Variants in SLC26A7 observed in about 807,000 individuals in gnomAD.
The protein encoded by SLC26A7 is anion exchange transporter.
In SLC26A7, 59 loss-of-function variants were observed where a neutral mutation model predicts 82.5. The observed-to-expected ratio is 0.72, with a 90% confidence interval of 0.58 to 0.89. The LOEUF is 0.89. SLC26A7 is among the 40% of genes least tolerant of loss of function. The pLI, the probability that SLC26A7 is intolerant of heterozygous loss-of-function variation, is 0.00. For synonymous variants in SLC26A7, 271 were observed against 274.3 expected (o/e 0.99, Z 0.12); for missense variants, 820 against 793.0 (o/e 1.03, Z -0.41).
At position 91,289,134 on chromosome 8, in the gene SLC26A7, A is replaced by G; in HGVS notation, c.194-2A>G. On this transcript the variant is annotated splice_acceptor_variant, in intron 2 of 18. Coordinates refer to ENST00000276609, the MANE Select transcript of SLC26A7 (RefSeq NM_052832.4). LOFTEE classifies it high-confidence loss of function. The stretch of plus-strand genomic sequence containing the variant: ...TTTTAATTACCCTAGTCTTCTTCAC[A>G]GGATTGGCCTTTGCTGTTCTCTCAT... 6.2e-7 allele frequency: 1 copy of G among 1,609,380 alleles called. No individual in the cohort carries two copies. Among genetic ancestry groups the G allele is most frequent in the Non-Finnish European group, 8.5e-7 (1 of 1,175,872 alleles).
At chr8:91,362,688 G>T (rs996702476) in intron 12 of SLC26A7, among the ~76,000 whole-genome samples, 10 of 152,024 alleles carry the variant, frequency 6.6e-5, no homozygotes, top group African/African-American at 1.9e-4. Context: ...TTATCAACGT[G>T]ATAAAATAGA....
At chr8:91,329,234 A>ATGTGTG (rs3086211) in intron 5 of SLC26A7, among the ~76,000 whole-genome samples, 26,781 of 151,906 alleles carry the variant, frequency 0.18, 2,739 homozygotes, top group African/African-American at 0.28. Flanking sequence ...ATATGTAAAT[A>ATGTGTG]TGTGTGTGTG....
chr8:91,353,699 T>C (rs1375246), intron 11 of SLC26A7, among the ~76,000 whole-genome samples: 59,675 of 151,896 alleles, frequency 0.39, 12,575 homozygotes, highest in African/African-American at 0.51. Context: ...ATGAAATACA[T>C]ATTTTCTCTT....
intron 9 of SLC26A7, among the ~76,000 whole-genome samples, chr8:91,348,032 A>G (rs1813613322): frequency 6.6e-6 from 1 of 151,964 alleles, no homozygotes; most frequent in South Asian, 2.1e-4. Context: ...CGGGAGGTAT[A>G]CCCAGGAGGG....
chr8:91,315,070 T>C (rs1812590892), intron 4 of SLC26A7, among the ~76,000 whole-genome samples: 1 of 152,086 alleles, frequency 6.6e-6, no homozygotes, highest in South Asian at 2.1e-4. Flanking sequence ...TTTAACCCTC[T>C]CAGTAGGCAC....
Position 91,317,395 on chromosome 8 carries a change from T to C in SLC26A7, c.478-821T>C, listed in dbSNP as rs549047262. 8.5e-5 allele frequency among the ~76,000 whole-genome samples: 13 copies of C among 152,316 alleles called. No individual in the cohort carries two copies. The South Asian group carries it at 2.5e-3, about 29-fold the overall frequency. ...CATATGTCTCTACCCTATCTGTCTTTTGCGGTGCCACATATACAAATAAGT... is the reference window on the plus strand; with the variant it reads ...CATATGTCTCTACCCTATCTGTCTTCTGCGGTGCCACATATACAAATAAGT... On this transcript the variant is annotated intron_variant, in intron 4 of 18. Coordinates refer to ENST00000276609, the MANE Select transcript of SLC26A7 (RefSeq NM_052832.4).
At chr8:91,394,300 C>T (rs1208400297) in intron 18 of SLC26A7, 1 of 1,612,420 alleles carries the variant, frequency 6.2e-7, no homozygotes, top group South Asian at 1.1e-5. Context: ...CTATCATTTG[C>T]AAACTGCTTA....
intron 2 of SLC26A7, among the ~76,000 whole-genome samples, chr8:91,285,904 T>G (rs912845314): frequency 6.6e-6 from 1 of 152,232 alleles, no homozygotes. Flanking sequence ...GGTACATTAC[T>G]CAATTTCTAA....
At chr8:91,319,772 A>G (rs983183106) in intron 5 of SLC26A7, among the ~76,000 whole-genome samples, 1 of 152,214 alleles carries the variant, frequency 6.6e-6, no homozygotes, top group Non-Finnish European at 1.5e-5. Flanking sequence ...TTGTCGGCAC[A>G]TGTGCAGTTT....
intron 16 of SLC26A7, among the ~76,000 whole-genome samples, chr8:91,389,871 C>T (rs1265529460): frequency 6.6e-6 from 1 of 152,182 alleles, no homozygotes; most frequent in Non-Finnish European, 1.5e-5. Context: ...TTTCTGGTCT[C>T]ACAAGTAGTG....
chr8:91,284,571 A>T (rs1385908993), intron 2 of SLC26A7, among the ~76,000 whole-genome samples: 1 of 152,162 alleles, frequency 6.6e-6, no homozygotes, highest in African/African-American at 2.4e-5. Flanking sequence ...AAAGTTACAG[A>T]TATTGAGTCC....
chr8:91,276,123 T>C (rs1811399967), intron 2 of SLC26A7, among the ~76,000 whole-genome samples: 1 of 152,350 alleles, frequency 6.6e-6, no homozygotes, highest in Admixed American at 6.5e-5. Flanking sequence ...GTGTGATGTT[T>C]ACTTACATAA....
At chr8:91,215,006 G>A (rs559831935) in intron 1 of SLC26A7, among the ~76,000 whole-genome samples, 2 of 152,084 alleles carry the variant, frequency 1.3e-5, no homozygotes, top group East Asian at 3.9e-4. Flanking sequence ...AGTATTGGCT[G>A]ATCTAGGCCT....
chr8:91,330,145 T>A (rs1563682336), intron 5 of SLC26A7, among the ~76,000 whole-genome samples: 1 of 152,156 alleles, frequency 6.6e-6, no homozygotes, highest in Non-Finnish European at 1.5e-5. Context: ...TGGGTTCTTT[T>A]GTTATTGTCA....
chr8:91,387,303 T>C lies in SLC26A7; in HGVS notation c.1676-2035T>C, dbSNP rs377371156. On this transcript the variant is annotated intron_variant, in intron 15 of 18. Coordinates refer to ENST00000276609, the MANE Select transcript of SLC26A7 (RefSeq NM_052832.4). ...AGTAGAGATAAATCTTATGTTTAAT[T>C]AGGCAAATAATGAATGATAGTGATT... 1.6e-3 allele frequency among the ~76,000 whole-genome samples: 251 copies of C among 152,332 alleles called. 1 individual carries two copies. The highest frequency in any genetic ancestry group is 5.4e-3 in the African/African-American group (225 of 41,576).
At chr8:91,352,307 G>T (rs550774100) in intron 10 of SLC26A7, among the ~76,000 whole-genome samples, 38 of 152,194 alleles carry the variant, frequency 2.5e-4, no homozygotes, top group African/African-American at 8.7e-4. Context: ...GAACATTAGT[G>T]CCAGTGCTTC....
chr8:91,354,844 T>C (rs778287378), intron 11 of SLC26A7, among the ~76,000 whole-genome samples: 3 of 152,172 alleles, frequency 2.0e-5, no homozygotes, highest in East Asian at 1.9e-4. Flanking sequence ...ATATCATTCA[T>C]TGAGTTATAA....
intron 2 of SLC26A7, among the ~76,000 whole-genome samples, chr8:91,252,102 T>C (rs1810673567): frequency 1.3e-5 from 2 of 152,254 alleles, no homozygotes; most frequent in South Asian, 4.1e-4. Flanking sequence ...TGTTCTTGCA[T>C]CATAACGCAA....
intron 16 of SLC26A7, among the ~76,000 whole-genome samples, chr8:91,391,364 A>G (rs561094724): frequency 1.3e-5 from 2 of 152,346 alleles, no homozygotes; most frequent in Admixed American, 6.5e-5. Context: ...GAATTGGCAG[A>G]TATTTCGAAA....
Sources: allele counts gnomAD v4.1 joint callset (sites outside exome capture counted in the v4.1 genomes callset), GRCh38; gene constraint gnomAD v4.1.1; transcripts MANE v1.5; gene names NCBI Gene and HGNC (gene_info 2026-07-23, HGNC 2026-07-21).